Variants in CYBC1 observed in about 807,000 individuals in gnomAD.
CYBC1 encodes cytochrome b-245 chaperone 1.
CYBC1 carries 22 observed loss-of-function variants against 21.7 expected under a neutral mutation model. The ratio of observed to expected loss-of-function variants is 1.02; its 90% CI spans 0.73 to 1.45. The LOEUF (loss-of-function observed/expected upper bound fraction) is 1.45, where lower values mean the gene tolerates loss of function less well. CYBC1 is among the 40% of genes most tolerant of loss of function. CYBC1 has a pLI of 0.00. For missense variants in CYBC1, 237 were observed against 242.1 expected (o/e 0.98, Z 0.14); for synonymous variants, 112 against 98.7 (o/e 1.13, Z -0.80).
intron 5 of CYBC1, 25 bp from the exon 6 acceptor site, chr17:82,444,616 AGCCATCCCC>A (rs1432959283): frequency 1.9e-6 from 3 of 1,576,518 alleles, no homozygotes; most frequent in South Asian, 2.3e-5. Flanking sequence ...TCAGTGGCCG[AGCCATCCCC>A]GCCCACACAT....
chr17:82,444,385 C>T, intron 6 of CYBC1, 62 bp downstream of exon 6: 1 of 1,555,150 alleles, frequency 6.4e-7, no homozygotes, highest in African/African-American at 1.4e-5. Flanking sequence ...TCTGGGCAGT[C>T]AGGAACGGGA....
intron 4 of CYBC1, 76 bp from the exon 5 acceptor site, chr17:82,446,036 C>T (rs79154093): frequency 0.029 from 34,460 of 1,193,492 alleles, 620 homozygotes; most frequent in Middle Eastern, 0.087. Context: ...CTCACCCCCA[C>T]CCTCACCAGG....
chr17:82,442,866 G>A lies in CYBC1; in HGVS notation c.*1138C>T, dbSNP rs1018941259. The A allele has an allele frequency of 7.3e-6, 3 of 408,770 alleles. No individual in the cohort carries two copies. The highest frequency in any genetic ancestry group is 4.0e-5 in the Admixed American group (1 of 24,996). 25.3% of individuals were successfully genotyped at this position (408,770 alleles called of 1,614,324 possible). A position where few individuals can be genotyped will look rare whatever the true frequency, so the allele number is the denominator to read the frequency against. On this transcript the variant is annotated 3_prime_UTR_variant, in exon 7 of 7. Coordinates refer to ENST00000306645, the MANE Select transcript of CYBC1 (RefSeq NM_001033046.4). The surrounding 1 kb of genome is among the most constrained non-coding windows in gnomAD (Gnocchi z 6.8). The stretch of plus-strand genomic sequence containing the variant: ...CCCCAGCTCACAGGCCAGGGCATCA[G>A]GCCAGGCGCGCTCGGTGCACACCGC...
rs767536638 is a variant in CYBC1, at chr17:82,442,676, C to A, written c.*1328G>T. On this transcript the variant is annotated 3_prime_UTR_variant, in exon 7 of 7. Transcript: ENST00000306645. This position sits in a 1 kb window ranked among gnomAD's most constrained non-coding sequence, Gnocchi z 6.8. ...GAAGGGTTATTTATGGTTATGATGA[C>A]CCTGTCCTGCAACGAGGGACTGGCA... The A allele has an allele frequency of 6.8e-6, 9 of 1,327,626 alleles. No individual in the cohort carries two copies. In the Admixed American group the frequency reaches 1.5e-4, roughly 22 times the overall value. The allele number at this position is 1,327,626 out of a possible 1,614,324, so 82.2% of individuals were successfully genotyped here. A position where few individuals can be genotyped will look rare whatever the true frequency, so the allele number is the denominator to read the frequency against.
In CYBC1 at chr17:82,443,384, G is replaced by T. The variant is rs551238621; in HGVS notation, c.*620C>A. 2.0e-6 allele frequency: 1 copy of T among 503,476 alleles called. No individual in the cohort carries two copies. The allele number at this position is 503,476 out of a possible 1,614,324, so 31.2% of individuals were successfully genotyped here. On this transcript the variant is annotated 3_prime_UTR_variant, in exon 7 of 7. Transcript: ENST00000306645. The surrounding 1 kb of genome is among the most constrained non-coding windows in gnomAD (Gnocchi z 6.7). ...GCATCAGCAAGGGAGGCGGGTCCTC[G>T]GGGAGGGGCAGCTTCCACAGTGTGG...
At position 82,443,169 on chromosome 17, in the gene CYBC1, C is replaced by T. The variant is rs140272301; in HGVS notation, c.*835G>A. On this transcript the variant is annotated 3_prime_UTR_variant, in exon 7 of 7. Transcript: ENST00000306645. This position sits in a 1 kb window ranked among gnomAD's most constrained non-coding sequence, Gnocchi z 6.7. ...CAAGCAATCCTCCCACCTCGGCCTCCGAAAGTGCTGGGATTACTGGCATGA... is the reference window on the plus strand; with the variant it reads ...CAAGCAATCCTCCCACCTCGGCCTCTGAAAGTGCTGGGATTACTGGCATGA... 1.5e-3 allele frequency: 370 copies of T among 255,124 alleles called. 1 individual carries two copies. The highest frequency in any genetic ancestry group is 6.0e-3 in the African/African-American group (269 of 45,160). 15.8% of individuals were successfully genotyped at this position (255,124 alleles called of 1,614,324 possible).
At chr17:82,445,805 C>T (rs780076612) in intron 5 of CYBC1, 59 bp downstream of exon 5, 142 of 1,336,882 alleles carry the variant, frequency 1.1e-4, no homozygotes, top group Non-Finnish European at 1.3e-4. Flanking sequence ...GTCACCCAGA[C>T]GCCCAAGTGC....
intron 1 of CYBC1, 81 bp from the exon 2 acceptor site, chr17:82,449,373 A>G (rs2054467731): frequency 3.0e-6 from 2 of 658,836 alleles, no homozygotes; most frequent in Non-Finnish European, 4.7e-6. Flanking sequence ...TCTGGAGGCC[A>G]AGAGCAGGTC....
In CYBC1 at chr17:82,444,091, G is replaced by T. The variant is rs372253286; in HGVS notation, c.477C>A (p.Ser159Arg). Reference sequence around the variant, plus strand: ...TCTCAAGGCAGTGCAGCTCCAGGAAGCTGGTGATGAGCTTGGCGATGGCTT... The same window carrying T: ...TCTCAAGGCAGTGCAGCTCCAGGAATCTGGTGATGAGCTTGGCGATGGCTT... ...DVEAIAKLIT[S>R]FLELHCLESP... Residue 159 changes from serine to arginine, a missense_variant, in exon 7 of 7, where the codon AGC (serine) becomes AGA (arginine). Transcript: ENST00000306645. The T allele has an allele frequency of 6.2e-6, 10 of 1,613,000 alleles. No individual in the cohort carries two copies. Among genetic ancestry groups the T allele is most frequent in the Non-Finnish European group, 8.5e-6 (10 of 1,179,530 alleles).
chr17:82,448,967 G>A (rs1270380617), intron 2 of CYBC1: 15 of 562,966 alleles, frequency 2.7e-5, no homozygotes, highest in Non-Finnish European at 3.7e-5. Context: ...CTGGGTGTTA[G>A]TGATTAAAAG....
At chr17:82,446,814 G>T in intron 3 of CYBC1, 118 bp from the exon 4 acceptor site, 2 of 1,019,230 alleles carry the variant, frequency 2.0e-6, no homozygotes, top group Non-Finnish European at 3.0e-6. Context: ...GGACCCCCTG[G>T]GCAGCTTCCT....
chr17:82,447,705 CT>C, intron 2 of CYBC1, 84 bp from the exon 3 acceptor site: 4 of 1,247,012 alleles, frequency 3.2e-6, no homozygotes, highest in Non-Finnish European at 4.6e-6. Context: ...GCCACAGCCC[CT>C]GATGAGCAGG....
Position 82,443,696 on chromosome 17 carries a change from T to C in CYBC1, c.*308A>G, listed in dbSNP as rs762334694. Reference sequence around the variant, plus strand: ...TGTCCTGGTCTGGCCTGCTGTTTCATGCAGTGTGCAAGCAGCAGCATGAGC... The same window carrying C: ...TGTCCTGGTCTGGCCTGCTGTTTCACGCAGTGTGCAAGCAGCAGCATGAGC... On this transcript the variant is annotated 3_prime_UTR_variant, in exon 7 of 7. Coordinates refer to ENST00000306645, the MANE Select transcript of CYBC1 (RefSeq NM_001033046.4). This position sits in a 1 kb window ranked among gnomAD's most constrained non-coding sequence, Gnocchi z 6.7. The C allele has an allele frequency of 6.5e-6, 5 of 771,816 alleles. No individual in the cohort carries two copies. In the East Asian group the frequency reaches 7.3e-5, roughly 11 times the overall value. 47.8% of individuals were successfully genotyped at this position (771,816 alleles called of 1,614,324 possible).
At chr17:82,444,700 G>GGTGGGGCGTATCCGTGGGATC in intron 5 of CYBC1, 109 bp from the exon 6 acceptor site, 1 of 1,404,046 alleles carries the variant, frequency 7.1e-7, no homozygotes, top group Non-Finnish European at 9.7e-7. Context: ...TTGGTTGGCA[G>GGTGGGGCGTATCCGTGGGATC]CAAAAGCATT....
intron 3 of CYBC1, chr17:82,447,043 A>C: frequency 2.6e-6 from 1 of 387,784 alleles, no homozygotes; most frequent in Non-Finnish European, 4.7e-6. Context: ...GATGACCCAA[A>C]AACACAGAAG....
chr17:82,449,167 TAC>T lies in CYBC1; in HGVS notation c.85+1_85+2del. On this transcript the variant is annotated splice_donor_variant, in intron 2 of 6. Transcript: ENST00000306645. LOFTEE classifies it high-confidence loss of function. The stretch of plus-strand genomic sequence containing the variant: ...TTCTGGGGAGGGACGTGGAGAGCCT[TAC>T]CAACCAGCAGGGACCAGGACCGGAT... 6.4e-7 allele frequency: 1 copy of T among 1,566,350 alleles called. No homozygotes were observed. The highest frequency in any genetic ancestry group is 8.6e-7 in the Non-Finnish European group (1 of 1,158,088).
At chr17:82,446,112 T>C in intron 4 of CYBC1, 152 bp from the exon 5 acceptor site, 1 of 633,308 alleles carries the variant, frequency 1.6e-6, no homozygotes, top group South Asian at 1.9e-5. Context: ...AAGCCACAGG[T>C]GCTGCTCTGT....
intron 6 of CYBC1, 41 bp from the exon 7 acceptor site, chr17:82,444,165 G>T (rs111668423): frequency 1.3e-6 from 2 of 1,593,090 alleles, no homozygotes. Context: ...AGGTCACCTC[G>T]GCATAGGGCA....
intron 2 of CYBC1, 102 bp downstream of exon 2, chr17:82,449,068 A>C: frequency 2.2e-6 from 2 of 927,618 alleles, no homozygotes; most frequent in Non-Finnish European, 3.3e-6. Context: ...ATTAGATTTC[A>C]AGGTAATAGA....
Sources: allele counts gnomAD v4.1 joint callset, GRCh38; gene constraint gnomAD v4.1.1; non-coding constraint Gnocchi (gnomAD v3.1); transcripts MANE v1.5; gene names NCBI Gene and HGNC (gene_info 2026-07-23, HGNC 2026-07-21).